JAG1: variants seen among roughly 807,000 people sequenced by gnomAD.
The protein encoded by JAG1 is jagged canonical Notch ligand 1, also known as protein jagged-1.
JAG1 carries 23 observed loss-of-function variants against 148.7 expected under a neutral mutation model. The observed-to-expected ratio is 0.15, with a 90% confidence interval of 0.11 to 0.22. The LOEUF (loss-of-function observed/expected upper bound fraction) is 0.22. Among genes scored for constraint, JAG1 ranks in the 10% least tolerant of loss-of-function variants. The pLI is 1.00. For synonymous variants in JAG1, 572 were observed against 598.3 expected, an observed-to-expected ratio of 0.96 and a Z score of 0.64; for missense variants, 1,054 against 1,611.2, an observed-to-expected ratio of 0.65 and a Z score of 5.92.
chr20:10,651,639 G>A lies in JAG1; in HGVS notation c.1062C>T (p.Thr354=), dbSNP rs201234509. Residue 354 remains threonine (T), a synonymous_variant, in exon 8 of 26, where the codon ACC becomes ACT. Transcript: ENST00000254958. ...AACACTCACACTCAAAGCCCAGGGA[G>A]GTCTCCTTACAGCTGCCTCTGTTGT... ...PCHNRGSCKE[T]SLGFECECSP... is the part of the protein sequence containing the mutation. The A allele has an allele frequency of 7.1e-5, 115 of 1,614,136 alleles. No homozygotes were observed. In the East Asian group the frequency reaches 2.4e-3, roughly 34 times the overall value.
Position 10,649,550 on chromosome 20 carries a change from G to A in JAG1, c.1320C>T (p.Pro440=), listed in dbSNP as rs753233749. 1.9e-5 allele frequency: 30 copies of A among 1,612,276 alleles called. No homozygotes were observed. The highest frequency in any genetic ancestry group is 6.7e-5 in the African/African-American group (5 of 74,884). ...TGTCACAATTCTGACCCATCCAGCC[G>A]GGAAGACAGTCGCAGTAGTAGCTGG... The part of the protein sequence containing the change: ...LIASYYCDCL[P]GWMGQNCDIN... Residue 440 remains proline (P), a synonymous_variant, in exon 10 of 26, where the codon CCC becomes CCT. Transcript: ENST00000254958.
intron 3 of JAG1, among the ~76,000 whole-genome samples, chr20:10,660,890 T>A (rs956720349): frequency 6.6e-6 from 1 of 152,174 alleles, no homozygotes; most frequent in Non-Finnish European, 1.5e-5. Flanking sequence ...GAAGAAGCCA[T>A]GACCGCCTCG....
intron 8 of JAG1, 199 bp downstream of exon 8, chr20:10,651,382 C>T (rs771000075): frequency 3.0e-5 from 17 of 569,992 alleles, no homozygotes; most frequent in Non-Finnish European, 5.0e-5. Flanking sequence ...CAGATACATG[C>T]GCTACCTTAG....
Position 10,651,645 on chromosome 20 carries a change from C to A in JAG1, c.1056G>T (p.Lys352Asn). The change falls in exon 8 of 26, where the codon AAG becomes AAT. Residue 352 changes from lysine to asparagine, a missense_variant. Transcript: ENST00000254958. ...SDPCHNRGSC[K>N]ETSLGFECEC... ...CACACTCAAAGCCCAGGGAGGTCTC[C>A]TTACAGCTGCCTCTGTTGTGACAGG... 6.2e-7 allele frequency: 1 copy of A among 1,614,144 alleles called. No individual in the cohort carries two copies. Among genetic ancestry groups the A allele is most frequent in the Non-Finnish European group, 8.5e-7 (1 of 1,179,992 alleles).
intron 2 of JAG1, among the ~76,000 whole-genome samples, chr20:10,671,185 A>C (rs2067492325): frequency 1.3e-5 from 2 of 152,196 alleles, no homozygotes; most frequent in South Asian, 4.1e-4. Context: ...GGGCAGTTTG[A>C]GTATTCACAG....
In JAG1 at chr20:10,645,908, G is replaced by A. The variant is rs1055339804; in HGVS notation, c.1999+63C>T. On this transcript the variant is annotated intron_variant, in intron 15 of 25. Coordinates refer to ENST00000254958, the MANE Select transcript of JAG1 (RefSeq NM_000214.3). The surrounding 1 kb of genome is among the most constrained non-coding windows in gnomAD (Gnocchi z 6.1). ...AGTACAAAGAAAGTTTTCCCACGTT[G>A]AAGTGGGATCCCTCCAACATGACCC... The A allele has an allele frequency of 2.6e-6, 3 of 1,140,522 alleles. No homozygotes were observed. The highest frequency in any genetic ancestry group is 3.4e-5 in the Admixed American group (2 of 59,462). The allele number at this position is 1,140,522 out of a possible 1,614,324, so 70.7% of individuals were successfully genotyped here.
At chr20:10,649,028 T>G in intron 11 of JAG1, 33 bp downstream of exon 11, 1 of 1,555,534 alleles carries the variant, frequency 6.4e-7, no homozygotes, top group Non-Finnish European at 8.9e-7. Flanking sequence ...TTGTCAATTG[T>G]CAAAGTTTTG....
chr20:10,640,407 G>A lies in JAG1; in HGVS notation c.3199+376C>T, dbSNP rs565269234. On this transcript the variant is annotated intron_variant, in intron 25 of 25. Coordinates refer to ENST00000254958, the MANE Select transcript of JAG1 (RefSeq NM_000214.3). Reference sequence around the variant, plus strand: ...AGGAGGGAAGCCTGGACACCCCTGCGGGGCCATCGAGCCTCACAGAGCTCA... The same window carrying A: ...AGGAGGGAAGCCTGGACACCCCTGCAGGGCCATCGAGCCTCACAGAGCTCA... 1.6e-4 allele frequency among the ~76,000 whole-genome samples: 25 copies of A among 152,332 alleles called. No homozygotes were observed. In the East Asian group the frequency reaches 1.9e-3, roughly 12 times the overall value.
At chr20:10,642,865 C>A (rs1157372684) in intron 20 of JAG1, among the ~76,000 whole-genome samples, 1 of 152,160 alleles carries the variant, frequency 6.6e-6, no homozygotes, top group African/African-American at 2.4e-5. Context: ...TTTGACAGTG[C>A]AATTTACAGC....
chr20:10,651,724 G>T, intron 7 of JAG1, 30 bp from the exon 8 acceptor site: 1 of 1,411,580 alleles, frequency 7.1e-7, no homozygotes, highest in Non-Finnish European at 1.0e-6. Context: ...AGTCAGAGAG[G>T]GATGCCTGCA....
chr20:10,647,351 G>C, intron 13 of JAG1: 1 of 561,278 alleles, frequency 1.8e-6, no homozygotes. Context: ...CATGCTTGTG[G>C]ATCCCCTTCA....
rs2067304227 is a variant in JAG1 at position 10,645,693 on chromosome 20, T to A, written c.2000-224A>T. The A allele has an allele frequency of 1.6e-6, 1 of 622,426 alleles. No individual in the cohort carries two copies. The highest frequency in any genetic ancestry group is 2.8e-5 in the Admixed American group (1 of 36,068). 38.6% of individuals were successfully genotyped at this position (622,426 alleles called of 1,614,324 possible). A position where few individuals can be genotyped will look rare whatever the true frequency, so the allele number is the denominator to read the frequency against. Reference sequence around the variant, plus strand: ...AAGATGTGGGGTGGGCCTCTGGAAGTCCCATGGAAATGAAAGTAGAAATAT... The same window carrying A: ...AAGATGTGGGGTGGGCCTCTGGAAGACCCATGGAAATGAAAGTAGAAATAT... On this transcript the variant is annotated intron_variant, in intron 15 of 25. Coordinates refer to ENST00000254958, the MANE Select transcript of JAG1 (RefSeq NM_000214.3). The surrounding 1 kb of genome is among the most constrained non-coding windows in gnomAD (Gnocchi z 6.1).
chr20:10,660,575 T>C (rs1327710597), intron 3 of JAG1, among the ~76,000 whole-genome samples: 2 of 152,230 alleles, frequency 1.3e-5, no homozygotes, highest in Non-Finnish European at 2.9e-5. Context: ...GGTGCAGGAC[T>C]GATATGTACT....
At chr20:10,664,458 G>T (rs1462636983) in intron 2 of JAG1, among the ~76,000 whole-genome samples, 1 of 151,790 alleles carries the variant, frequency 6.6e-6, no homozygotes, top group Non-Finnish European at 1.5e-5. Flanking sequence ...GTACCGAGGG[G>T]GTATTGCTAA....
rs763164530 is a variant in JAG1, at chr20:10,639,895, G to T, written c.3260C>A (p.Thr1087Lys). ...LTVAWICCLVTAFYWCLRKRR... is the reference protein window; with the variant it reads ...LTVAWICCLVKAFYWCLRKRR... The stretch of plus-strand genomic sequence containing the variant: ...CTTCCGCAGGCACCAGTAGAAGGCC[G>T]TCACCAAGCAACAGATCCAAGCCAC... The change falls in exon 26 of 26, where the codon ACG becomes AAG. Residue 1087 changes from threonine to lysine, a missense_variant. Around this residue, in one of 6 missense-constraint regions of JAG1, gnomAD observed 177 missense variants for 177.3 expected, o/e 1.00. Coordinates refer to ENST00000254958, the MANE Select transcript of JAG1 (RefSeq NM_000214.3). 3 of 1,614,054 alleles carry T rather than the reference G, an allele frequency of 1.9e-6. No homozygotes were observed. In the East Asian group the frequency reaches 6.7e-5, roughly 36 times the overall value.
intron 2 of JAG1, among the ~76,000 whole-genome samples, chr20:10,665,439 T>C (rs2067447287): frequency 1.3e-5 from 2 of 152,226 alleles, no homozygotes; most frequent in African/African-American, 4.8e-5. Context: ...AGCCCTCTCC[T>C]GTTAGTGGCC....
intron 2 of JAG1, among the ~76,000 whole-genome samples, chr20:10,664,838 C>A (rs1051679927): frequency 6.6e-6 from 1 of 152,166 alleles, no homozygotes; most frequent in African/African-American, 2.4e-5. Context: ...ACTGAAGGCA[C>A]CTTTTATCTT....
rs1043570739 is a variant in JAG1, at chr20:10,673,797, G to A, written c.-267C>T. The A allele has an allele frequency of 2.3e-5, 5 of 219,684 alleles. No individual in the cohort carries two copies. Among genetic ancestry groups the A allele is most frequent in the Admixed American group, 1.7e-4 (3 of 17,348 alleles). 13.6% of individuals were successfully genotyped at this position (219,684 alleles called of 1,614,324 possible). On this transcript the variant is annotated 5_prime_UTR_variant, in exon 1 of 26. Coordinates refer to ENST00000254958, the MANE Select transcript of JAG1 (RefSeq NM_000214.3). This position sits in a 1 kb window ranked among gnomAD's most constrained non-coding sequence, Gnocchi z 4.7. The stretch of plus-strand genomic sequence containing the variant: ...CGCTCCCCCTCCTCTTCCACCTCCC[G>A]GCTTTCTTTCCTTCTCTCGCGCTCC...
In JAG1 at chr20:10,645,521, C is replaced by A. The variant is rs182041278; in HGVS notation, c.2000-52G>T. On this transcript the variant is annotated intron_variant, in intron 15 of 25. Coordinates refer to ENST00000254958, the MANE Select transcript of JAG1 (RefSeq NM_000214.3). The surrounding 1 kb of genome is among the most constrained non-coding windows in gnomAD (Gnocchi z 6.1). ...TGAAGACGAGATCCAGGACCATTCA[C>A]GACAGGCGAGAGCCAAGCCTTTCCT... 1 of 1,449,690 alleles carries A rather than the reference C, an allele frequency of 6.9e-7. No individual in the cohort carries two copies. The highest frequency in any genetic ancestry group is 9.7e-7 in the Non-Finnish European group (1 of 1,033,148). The allele number at this position is 1,449,690 out of a possible 1,614,324, so 89.8% of individuals were successfully genotyped here. A position where few individuals can be genotyped will look rare whatever the true frequency, so the allele number is the denominator to read the frequency against.
Sources: gnomAD v4.1 joint callset for allele counts (sites outside exome capture counted in the v4.1 genomes callset) on GRCh38, gnomAD v4.1.1 for gene constraint, gnomAD v4.1.1 regional missense constraint, Gnocchi (gnomAD v3.1) non-coding constraint, MANE v1.5 for transcripts, NCBI Gene and HGNC (gene_info 2026-07-23, HGNC 2026-07-21) for gene names.